The following ROBO2 variants were observed in gnomAD, a reference collection of about 807,000 sequenced individuals.
The protein encoded by ROBO2 is roundabout homolog 2.
ROBO2 carries 53 observed loss-of-function variants against 160.8 expected under a neutral mutation model. The ratio of observed to expected loss-of-function variants is 0.33; its 90% CI spans 0.26 to 0.41. The LOEUF (loss-of-function observed/expected upper bound fraction) is 0.41. Among genes scored for constraint, ROBO2 ranks in the 10% least tolerant of loss-of-function variants. The probability of loss-of-function intolerance (pLI) is 1.00; values close to 1 mark genes in which losing one functional copy is unlikely to be tolerated. For missense variants in ROBO2, 1,577 were observed against 1,722.4 expected (o/e 0.92, Z 1.49); for synonymous variants, 664 against 611.7 (o/e 1.09, Z -1.26).
chr3:76,838,542 C>A (rs947063778), intron 2 of ROBO2, among the ~76,000 whole-genome samples: 4 of 152,044 alleles, frequency 2.6e-5, no homozygotes, highest in African/African-American at 9.7e-5. Flanking sequence ...GACCATGGAT[C>A]TTCCCTCATG....
intron 2 of ROBO2, among the ~76,000 whole-genome samples, chr3:77,221,019 A>G (rs2085715561): frequency 6.6e-6 from 1 of 152,204 alleles, no homozygotes; most frequent in South Asian, 2.1e-4. Context: ...AGTGTCCTTT[A>G]CATATGTAAT....
intron 2 of ROBO2, among the ~76,000 whole-genome samples, chr3:76,563,109 T>C (rs2084301799): frequency 6.6e-6 from 1 of 152,162 alleles, no homozygotes; most frequent in Admixed American, 6.5e-5. Context: ...TGAAGGATTT[T>C]TTTTTTTATG....
At chr3:76,504,146 G>T (rs913697884) in intron 2 of ROBO2, among the ~76,000 whole-genome samples, 1 of 151,992 alleles carries the variant, frequency 6.6e-6, no homozygotes, top group African/African-American at 2.4e-5. Flanking sequence ...TGAAAAATAC[G>T]CATAACAAAA....
chr3:76,044,393 T>C (rs1173372541), intron 2 of ROBO2, among the ~76,000 whole-genome samples: 1 of 152,062 alleles, frequency 6.6e-6, no homozygotes, highest in African/African-American at 2.4e-5. Context: ...CCATAATTCA[T>C]ATAACCTCCA....
Position 76,115,670 on chromosome 3 carries a change from A to T in ROBO2, c.109+178068A>T, listed in dbSNP as rs577023854. 6.6e-5 allele frequency among the ~76,000 whole-genome samples: 10 copies of T among 152,190 alleles called. No homozygotes were observed. The East Asian group carries it at 1.3e-3, about 21-fold the overall frequency. ...TCTAGCATTGTTAGGAAATTTTTTT[A>T]AAAAATTAAATAAACAAACATCAAT... On this transcript the variant is annotated intron_variant, in intron 2 of 26. Transcript: ENST00000487694.
chr3:75,923,691 G>T (rs189779559), intron 1 of ROBO2, among the ~76,000 whole-genome samples: 2 of 152,110 alleles, frequency 1.3e-5, no homozygotes, highest in Non-Finnish European at 2.9e-5. Flanking sequence ...GGGTAGGCTC[G>T]GGAAAACAAA....
chr3:76,546,549 G>C (rs559827337), intron 2 of ROBO2, among the ~76,000 whole-genome samples: 2 of 152,050 alleles, frequency 1.3e-5, no homozygotes, highest in African/African-American at 4.8e-5. Context: ...GGAAGAAGAG[G>C]AAGAAGGGAG....
chr3:77,364,149 T>C (rs9857005), intron 2 of ROBO2, among the ~76,000 whole-genome samples: 61,710 of 152,034 alleles, frequency 0.41, 13,264 homozygotes, highest in East Asian at 0.71. Flanking sequence ...TCTGGGTAGA[T>C]CTTAAATTAT....
At chr3:76,402,889 TC>T (rs1473773901) in intron 2 of ROBO2, among the ~76,000 whole-genome samples, 2 of 151,726 alleles carry the variant, frequency 1.3e-5, no homozygotes, top group East Asian at 3.9e-4. Context: ...CATCTCAAGG[TC>T]CTCAAATTTA....
intron 2 of ROBO2, among the ~76,000 whole-genome samples, chr3:76,033,500 G>A (rs1046866734): frequency 1.3e-5 from 2 of 152,126 alleles, no homozygotes; most frequent in Non-Finnish European, 2.9e-5. Flanking sequence ...TACGAATTGA[G>A]CCAGATATTT....
chr3:77,444,118 C>T (rs1245393779), intron 2 of ROBO2, among the ~76,000 whole-genome samples: 1 of 152,098 alleles, frequency 6.6e-6, no homozygotes, highest in African/African-American at 2.4e-5. Flanking sequence ...CAACATTTCC[C>T]TCTAAGATTC....
At chr3:77,477,942 T>C (rs987436748) in intron 3 of ROBO2, among the ~76,000 whole-genome samples, 1 of 147,878 alleles carries the variant, frequency 6.8e-6, no homozygotes, top group African/African-American at 2.5e-5. Context: ...TTCTTCTGCC[T>C]TAGCTTCCCA....
chr3:76,037,712 A>C (rs780416445), intron 2 of ROBO2, among the ~76,000 whole-genome samples: 2 of 152,074 alleles, frequency 1.3e-5, no homozygotes, highest in Non-Finnish European at 2.9e-5. Context: ...ACAGTCAAAC[A>C]GGAGAAAAAT....
chr3:77,501,688 C>A (rs886344537), intron 5 of ROBO2, among the ~76,000 whole-genome samples: 2 of 151,192 alleles, frequency 1.3e-5, no homozygotes, highest in African/African-American at 4.9e-5. Context: ...TAGAGAATCA[C>A]GGCAATATTT....
intron 6 of ROBO2, among the ~76,000 whole-genome samples, chr3:77,544,926 C>T (rs1482115925): frequency 6.6e-6 from 1 of 152,086 alleles, no homozygotes; most frequent in African/African-American, 2.4e-5. Flanking sequence ...ATACTGCCTA[C>T]TGTCTTTCAC....
intron 2 of ROBO2, among the ~76,000 whole-genome samples, chr3:77,295,763 C>T (rs2062012954): frequency 6.9e-6 from 1 of 144,032 alleles, no homozygotes; most frequent in Non-Finnish European, 1.5e-5. Context: ...TAGATCACCC[C>T]AGACATAAAG....
intron 2 of ROBO2, among the ~76,000 whole-genome samples, chr3:76,049,945 C>T (rs905525636): frequency 6.6e-6 from 1 of 152,096 alleles, no homozygotes; most frequent in Non-Finnish European, 1.5e-5. Flanking sequence ...CCAAGCATAG[C>T]AAAGCTCTGA....
chr3:77,644,668 G>C (rs1357084267), intron 24 of ROBO2, 36 bp from the exon 27 acceptor site: 23 of 1,601,604 alleles, frequency 1.4e-5, no homozygotes, highest in African/African-American at 2.7e-5. Context: ...CCATGTTTCT[G>C]TTCAATTTAG....
At chr3:76,446,754 G>T (rs1179250057) in intron 2 of ROBO2, among the ~76,000 whole-genome samples, 1 of 152,130 alleles carries the variant, frequency 6.6e-6, no homozygotes, top group Non-Finnish European at 1.5e-5. Context: ...ACAACCATCT[G>T]ATCTTTGACA....
Sources: allele counts gnomAD v4.1 joint callset (sites outside exome capture counted in the v4.1 genomes callset), GRCh38; gene constraint gnomAD v4.1.1; transcripts MANE v1.5; gene names NCBI Gene and HGNC (gene_info 2026-07-23, HGNC 2026-07-21).